KCNAB1: variants seen among roughly 807,000 people sequenced by gnomAD.
KCNAB1 encodes the protein voltage-gated potassium channel subunit beta-1.
In KCNAB1, 35 loss-of-function variants were observed where a neutral mutation model predicts 64.6. The ratio of observed to expected loss-of-function variants is 0.54; its 90% CI spans 0.41 to 0.72. The LOEUF (loss-of-function observed/expected upper bound fraction) is 0.72. Ranked by LOEUF, KCNAB1 falls within the 30% of genes least tolerant of loss-of-function variation. The pLI, the probability that KCNAB1 is intolerant of heterozygous loss-of-function variation, is 0.00. For synonymous variants in KCNAB1, 177 were observed against 183.8 expected (o/e 0.96, Z 0.30); for missense variants, 401 against 512.9 (o/e 0.78, Z 2.11).
intron 7 of KCNAB1, among the ~76,000 whole-genome samples, chr3:156,469,904 C>A (rs1713751100): frequency 6.6e-6 from 1 of 152,142 alleles, no homozygotes; most frequent in Non-Finnish European, 1.5e-5. Context: ...AAGTTATTAT[C>A]CTTGGGTTTC....
intron 1 of KCNAB1, among the ~76,000 whole-genome samples, chr3:156,249,352 C>T (rs1156594022): frequency 6.6e-6 from 1 of 151,934 alleles, no homozygotes; most frequent in African/African-American, 2.4e-5. Flanking sequence ...CACCTGAGGT[C>T]AGGAGTTCGA....
intron 1 of KCNAB1, among the ~76,000 whole-genome samples, chr3:156,407,262 G>A (rs1463780588): frequency 6.6e-6 from 1 of 152,054 alleles, no homozygotes; most frequent in Non-Finnish European, 1.5e-5. Context: ...TGTTATCTCT[G>A]CTTGAAATTC....
intron 1 of KCNAB1, among the ~76,000 whole-genome samples, chr3:156,204,358 C>T (rs1714523722): frequency 1.3e-5 from 2 of 152,174 alleles, no homozygotes; most frequent in African/African-American, 4.8e-5. Context: ...TCACTAACTT[C>T]CCAGGTGGGA....
intron 1 of KCNAB1, among the ~76,000 whole-genome samples, chr3:156,370,637 T>A (rs1726239849): frequency 6.6e-6 from 1 of 152,116 alleles, no homozygotes; most frequent in South Asian, 2.1e-4. Flanking sequence ...ACAAAAGAAG[T>A]CAAAGGGTTG....
intron 2 of KCNAB1, among the ~76,000 whole-genome samples, chr3:156,427,930 G>A (rs1225769401): frequency 2.0e-5 from 3 of 152,138 alleles, no homozygotes; most frequent in African/African-American, 7.2e-5. Flanking sequence ...TCCATGGGAG[G>A]TAACACACCA....
chr3:156,383,460 C>G (rs1467385125), intron 1 of KCNAB1, among the ~76,000 whole-genome samples: 1 of 152,144 alleles, frequency 6.6e-6, no homozygotes, highest in African/African-American at 2.4e-5. Context: ...TCAATCCACT[C>G]TTAGGATAAA....
chr3:156,277,260 C>T (rs1330211992), intron 1 of KCNAB1, among the ~76,000 whole-genome samples: 3 of 152,064 alleles, frequency 2.0e-5, no homozygotes, highest in Non-Finnish European at 4.4e-5. Flanking sequence ...ACAGTAGTAA[C>T]ATCAAAGATC....
chr3:156,386,131 T>C (rs1416400193), intron 1 of KCNAB1, among the ~76,000 whole-genome samples: 1 of 152,276 alleles, frequency 6.6e-6, no homozygotes, highest in East Asian at 1.9e-4. Flanking sequence ...AGGCAAACTT[T>C]AGAGTAGGAG....
intron 1 of KCNAB1, among the ~76,000 whole-genome samples, chr3:156,307,026 C>T (rs188077724): frequency 4.5e-4 from 69 of 152,232 alleles, no homozygotes; most frequent in South Asian, 2.7e-3. Flanking sequence ...CCTTTTGGCT[C>T]GGTAGGAGGG....
chr3:156,480,389 G>T (rs986302122), intron 8 of KCNAB1, among the ~76,000 whole-genome samples: 1 of 151,772 alleles, frequency 6.6e-6, no homozygotes, highest in Admixed American at 6.6e-5. Context: ...GGGGTGGGGG[G>T]CAAGGGGAGA....
rs566470417 is a variant in KCNAB1 at position 156,299,640 on chromosome 3, AAC to A, written c.276-121972_276-121971del. 6.5e-4 allele frequency among the ~76,000 whole-genome samples: 99 copies of A among 152,358 alleles called. 1 individual carries two copies. Among genetic ancestry groups the A allele is most frequent in the Middle Eastern group, 6.8e-3 (2 of 294 alleles). On this transcript the variant is annotated intron_variant, in intron 1 of 13. Coordinates refer to ENST00000490337, the MANE Select transcript of KCNAB1 (RefSeq NM_172160.3). ...AGCTTGCTCCTGAAAGTCGAAATCA[AAC>A]ACATTTAAAATTCCTTACTGCAGGT...
Position 156,431,733 on chromosome 3 carries a change from A to G in KCNAB1, c.319+10074A>G, listed in dbSNP as rs189645281. 3.3e-5 allele frequency among the ~76,000 whole-genome samples: 5 copies of G among 152,378 alleles called. No individual in the cohort carries two copies. In the East Asian group the frequency reaches 9.6e-4, roughly 29 times the overall value. ...CCAAGACGTCAGCTCTAGCAAAAACACAAATTTCTAGGCCCACATGAAAGA... is the reference window on the plus strand; with the variant it reads ...CCAAGACGTCAGCTCTAGCAAAAACGCAAATTTCTAGGCCCACATGAAAGA... On this transcript the variant is annotated intron_variant, in intron 2 of 13. Transcript: ENST00000490337.
chr3:156,305,784 C>T (rs1721455152), intron 1 of KCNAB1, among the ~76,000 whole-genome samples: 1 of 152,156 alleles, frequency 6.6e-6, no homozygotes, highest in Admixed American at 6.5e-5. Context: ...ACAATTCATC[C>T]TACTATTTAG....
At chr3:156,455,919 G>C (rs1474237556) in intron 3 of KCNAB1, 1 of 152,230 alleles carries the variant, frequency 6.6e-6, no homozygotes, top group Non-Finnish European at 1.5e-5. Flanking sequence ...TCATTGGCCA[G>C]GGTGTGTCAC....
intron 8 of KCNAB1, among the ~76,000 whole-genome samples, chr3:156,489,683 CAAAG>C (rs945858376): frequency 7.2e-5 from 11 of 152,016 alleles, no homozygotes; most frequent in Non-Finnish European, 1.0e-4. Context: ...AACACAGAGA[CAAAG>C]AAACAGAAAT....
At chr3:156,144,644 C>T (rs933936405) in intron 1 of KCNAB1, among the ~76,000 whole-genome samples, 10 of 152,088 alleles carry the variant, frequency 6.6e-5, no homozygotes, top group African/African-American at 2.2e-4. Flanking sequence ...CTTCTCTGTC[C>T]CCCCACGTTT....
At chr3:156,272,437 A>G (rs911125216) in intron 1 of KCNAB1, among the ~76,000 whole-genome samples, 1 of 151,994 alleles carries the variant, frequency 6.6e-6, no homozygotes, top group African/African-American at 2.4e-5. Context: ...AAGTTTTTCC[A>G]ACTCTTCCCT....
chr3:156,219,051 T>G (rs1248697876), intron 1 of KCNAB1, among the ~76,000 whole-genome samples: 1 of 151,512 alleles, frequency 6.6e-6, no homozygotes, highest in Non-Finnish European at 1.5e-5. Context: ...AACAAGGATA[T>G]TTACACCCTG....
rs79388118 is a variant in KCNAB1, at chr3:156,378,049, C to T, written c.276-43567C>T. ...GAAGGATAATTAATGTGTATATGGA[C>T]ATGCAGGGAGCCTTTATCTTCAGAA... On this transcript the variant is annotated intron_variant, in intron 1 of 13. Transcript: ENST00000490337. 6.5e-3 allele frequency among the ~76,000 whole-genome samples: 995 copies of T among 152,072 alleles called. 13 individuals carry two copies. Among genetic ancestry groups the T allele is most frequent in the African/African-American group, 0.023 (968 of 41,474 alleles).
Sources: allele counts gnomAD v4.1 joint callset (sites outside exome capture counted in the v4.1 genomes callset), GRCh38; gene constraint gnomAD v4.1.1; transcripts MANE v1.5; gene names NCBI Gene and HGNC (gene_info 2026-07-23, HGNC 2026-07-21).